Variants in DLG1 observed in about 807,000 individuals in gnomAD.
DLG1 encodes discs large MAGUK scaffold protein 1, also known as disks large homolog 1.
Under a neutral mutation model 123.4 loss-of-function variants are expected in DLG1, and 42 were observed. The observed-to-expected ratio is 0.34, with a 90% CI of 0.27 to 0.44. DLG1 has a LOEUF of 0.44. Ranked by LOEUF, DLG1 falls within the 20% of genes least tolerant of loss-of-function variation. The pLI is 1.00. For synonymous variants in DLG1, 317 were observed against 356.2 expected, an observed-to-expected ratio of 0.89 and a Z score of 1.24; for missense variants, 942 against 1,082.6, an observed-to-expected ratio of 0.87 and a Z score of 1.82.
chr3:197,128,394 C>A (rs1399381410), intron 11 of DLG1, among the ~76,000 whole-genome samples: 1 of 152,208 alleles, frequency 6.6e-6, no homozygotes, highest in Non-Finnish European at 1.5e-5. Flanking sequence ...CATCTTCAGG[C>A]TCCACTTCTA....
intron 11 of DLG1, among the ~76,000 whole-genome samples, chr3:197,126,967 T>G (rs142073886): frequency 1.3e-5 from 2 of 152,146 alleles, no homozygotes; most frequent in Non-Finnish European, 2.9e-5. Flanking sequence ...AAAGGAGCAC[T>G]CAAAAGCAGG....
chr3:197,169,878 A>G (rs1165240432), intron 5 of DLG1, among the ~76,000 whole-genome samples: 1 of 152,052 alleles, frequency 6.6e-6, no homozygotes, highest in South Asian at 2.1e-4. Context: ...AATAGTACCC[A>G]TTTAGTTATT....
intron 5 of DLG1, among the ~76,000 whole-genome samples, chr3:197,193,584 C>T (rs1330106299): frequency 1.3e-5 from 2 of 152,002 alleles, no homozygotes; most frequent in African/African-American, 4.8e-5. Context: ...AACTCTAAAG[C>T]AGTGAAATTT....
At chr3:197,222,422 T>C (rs541141278) in intron 4 of DLG1, among the ~76,000 whole-genome samples, 170 of 152,334 alleles carry the variant, frequency 1.1e-3, no homozygotes, top group African/African-American at 3.2e-3. Flanking sequence ...TCCATTTGTT[T>C]AAAGTCATTG....
intron 17 of DLG1, among the ~76,000 whole-genome samples, chr3:197,077,697 G>C (rs968169218): frequency 3.9e-5 from 6 of 152,100 alleles, no homozygotes; most frequent in African/African-American, 1.2e-4. Context: ...GTTTTTCCTT[G>C]AATGTCTCAT....
intron 4 of DLG1, among the ~76,000 whole-genome samples, chr3:197,258,044 G>A (rs556315818): frequency 4.2e-4 from 64 of 152,270 alleles, no homozygotes; most frequent in African/African-American, 1.4e-3. Flanking sequence ...GCTGATTAAA[G>A]TACATAAAAA....
At chr3:197,250,472 G>C (rs1048802024) in intron 4 of DLG1, among the ~76,000 whole-genome samples, 13 of 151,986 alleles carry the variant, frequency 8.6e-5, no homozygotes, top group African/African-American at 3.1e-4. Context: ...AGGAGGCTGA[G>C]GCAGGGGAAT....
At chr3:197,120,273 G>GAAAAA (rs3050713) in intron 11 of DLG1, among the ~76,000 whole-genome samples, 7 of 127,598 alleles carry the variant, frequency 5.5e-5, no homozygotes, top group East Asian at 2.3e-4. Flanking sequence ...TCTCGAGAAA[G>GAAAAA]AAAAAAAAAA....
intron 24 of DLG1, among the ~76,000 whole-genome samples, chr3:197,051,134 C>G (rs184073741): frequency 6.6e-6 from 1 of 152,138 alleles, no homozygotes; most frequent in Admixed American, 6.5e-5. Flanking sequence ...AGCATTTTGA[C>G]AGGCTGAGGC....
chr3:197,181,046 C>T (rs1394380400), intron 5 of DLG1, among the ~76,000 whole-genome samples: 1 of 152,164 alleles, frequency 6.6e-6, no homozygotes, highest in Non-Finnish European at 1.5e-5. Context: ...GTTCCAGTAT[C>T]ATAGTAGAAA....
At chr3:197,056,845 C>A (rs1233179352) in intron 23 of DLG1, among the ~76,000 whole-genome samples, 1 of 152,156 alleles carries the variant, frequency 6.6e-6, no homozygotes, top group Non-Finnish European at 1.5e-5. Flanking sequence ...AGGGTAACCT[C>A]TATTTGACTT....
At chr3:197,078,758 A>G (rs2149032544) in intron 17 of DLG1, among the ~76,000 whole-genome samples, 1 of 152,352 alleles carries the variant, frequency 6.6e-6, no homozygotes, top group Middle Eastern at 3.4e-3. Flanking sequence ...TTTCGTTCAT[A>G]AGAATCAATG....
At chr3:197,218,774 A>C (rs1735349965) in intron 4 of DLG1, among the ~76,000 whole-genome samples, 1 of 152,190 alleles carries the variant, frequency 6.6e-6, no homozygotes, top group South Asian at 2.1e-4. Context: ...ACTTAACACA[A>C]CATACCTTAG....
rs548930465 is a variant in DLG1 at position 197,129,153 on chromosome 3, G to T, written c.1165+1374C>A. Among the ~76,000 whole-genome samples the T allele has an allele frequency of 9.7e-3, 1,474 of 152,320 alleles. 16 individuals carry two copies. Among genetic ancestry groups the T allele is most frequent in the African/African-American group, 0.023 (954 of 41,566 alleles). ...TCTAGCTGTGAAAGTCCTAAAAGGTGTCTTTTTCCAGTAGAAGGCTGTTTC... is the reference window on the plus strand; with the variant it reads ...TCTAGCTGTGAAAGTCCTAAAAGGTTTCTTTTTCCAGTAGAAGGCTGTTTC... On this transcript the variant is annotated intron_variant, in intron 11 of 24. Transcript: ENST00000667157.
intron 4 of DLG1, among the ~76,000 whole-genome samples, chr3:197,235,625 TG>T (rs1469632713): frequency 6.6e-6 from 1 of 152,208 alleles, no homozygotes; most frequent in African/African-American, 2.4e-5. Flanking sequence ...TAAAAAGTCT[TG>T]AACTGATCAA....
chr3:197,289,028 T>C (rs1773502655), intron 3 of DLG1, among the ~76,000 whole-genome samples: 1 of 152,206 alleles, frequency 6.6e-6, no homozygotes, highest in Non-Finnish European at 1.5e-5. Context: ...AGCTTCTTGC[T>C]ATATCTCACT....
At chr3:197,064,985 A>AAT (rs1313813369) in intron 22 of DLG1, among the ~76,000 whole-genome samples, 3 of 151,738 alleles carry the variant, frequency 2.0e-5, no homozygotes, top group Admixed American at 2.0e-4. Flanking sequence ...ATCTCCTTTT[A>AAT]ATATATGCTG....
chr3:197,090,781 T>G, intron 15 of DLG1, 131 bp downstream of exon 15: 1 of 492,198 alleles, frequency 2.0e-6, no homozygotes, highest in Non-Finnish European at 3.7e-6. Context: ...AGAGAATCAA[T>G]AATAAAAAAC....
intron 10 of DLG1, among the ~76,000 whole-genome samples, chr3:197,134,628 T>C (rs1022751912): frequency 3.3e-5 from 5 of 152,250 alleles, no homozygotes; most frequent in African/African-American, 1.2e-4. Context: ...TGGAGAGTCC[T>C]GACTATTATA....
Sources: allele counts gnomAD v4.1 joint callset (sites outside exome capture counted in the v4.1 genomes callset), GRCh38; gene constraint gnomAD v4.1.1; transcripts MANE v1.5; gene names NCBI Gene and HGNC (gene_info 2026-07-23, HGNC 2026-07-21).